The following BBS7 variants were observed in gnomAD, a reference collection of about 807,000 sequenced individuals.
BBS7 encodes the protein Bardet-Biedl syndrome 7, also known as BBSome complex member BBS7.
BBS7 carries 50 observed loss-of-function variants against 90.3 expected under a neutral mutation model. The ratio of observed to expected loss-of-function variants is 0.55; its 90% CI spans 0.44 to 0.70. The LOEUF (loss-of-function observed/expected upper bound fraction) is 0.70. BBS7 is among the 30% of genes least tolerant of loss of function. The pLI is 0.00. For missense variants in BBS7, 729 were observed against 838.9 expected, an observed-to-expected ratio of 0.87 and a Z score of 1.62; for synonymous variants, 235 against 287.4, an observed-to-expected ratio of 0.82 and a Z score of 1.85.
At position 121,825,816 on chromosome 4, in the gene BBS7, C is replaced by T. The variant is rs1205997818; in HGVS notation, c.*44G>A. 6.3e-7 allele frequency: 1 copy of T among 1,596,554 alleles called. No homozygotes were observed. Among genetic ancestry groups the T allele is most frequent in the South Asian group, 1.1e-5 (1 of 89,960 alleles). On this transcript the variant is annotated 3_prime_UTR_variant, in exon 19 of 19. Transcript: ENST00000264499. The stretch of plus-strand genomic sequence containing the variant: ...CTTCTAATTCTCTTTTAACATTTTT[C>T]ATTTAAACAGACCACTTCTTTGGGA...
chr4:121,843,850 C>T, intron 12 of BBS7, 77 bp downstream of exon 12: 1 of 922,932 alleles, frequency 1.1e-6, no homozygotes, highest in Non-Finnish European at 1.7e-6. Flanking sequence ...CAAAACCTAG[C>T]AGCATCTATA....
rs753027552 is a variant in BBS7, at chr4:121,868,046, C to T, written c.37G>A (p.Val13Met). 5 of 1,612,764 alleles carry T rather than the reference C, an allele frequency of 3.1e-6. No individual in the cohort carries two copies. Among genetic ancestry groups the T allele is most frequent in the African/African-American group, 2.7e-5 (2 of 74,828 alleles). Residue 13 changes from valine (V) to methionine (M), a missense_variant and splice_region_variant, in exon 2 of 19, where the codon GTG (valine) becomes ATG (methionine). Transcript: ENST00000264499. ...LILNRMDYLQ[V>M]GVTSQKTMKL... is the part of the protein sequence containing the mutation. ...ATAGTCTTCTGAGATGTTACTCCCA[C>T]CTAAAGAAAAACACCAGATGCCTAG...
At chr4:121,837,424 C>T (rs1205003796) in intron 13 of BBS7, among the ~76,000 whole-genome samples, 6 of 152,118 alleles carry the variant, frequency 3.9e-5, no homozygotes, top group Non-Finnish European at 8.8e-5. Flanking sequence ...CTTAATTCAT[C>T]TGAATTTATT....
chr4:121,824,843 T>G lies in BBS7; in HGVS notation c.*1017A>C, dbSNP rs1430549074. 6.6e-6 allele frequency: 1 copy of G among 152,110 alleles called. No homozygotes were observed. The highest frequency in any genetic ancestry group is 2.4e-5 in the African/African-American group (1 of 41,438). 9.4% of individuals were successfully genotyped at this position (152,110 alleles called of 1,614,324 possible). On this transcript the variant is annotated 3_prime_UTR_variant, in exon 19 of 19. Coordinates refer to ENST00000264499, the MANE Select transcript of BBS7 (RefSeq NM_176824.3). The surrounding 1 kb of genome is among the most constrained non-coding windows in gnomAD (Gnocchi z 4.1). Reference sequence around the variant, plus strand: ...AACTAATAAGTATAATAGCATATCATTAAGAAGCACTGTTTTCTAAAAAAT... The same window carrying G: ...AACTAATAAGTATAATAGCATATCAGTAAGAAGCACTGTTTTCTAAAAAAT...
intron 14 of BBS7, 112 bp downstream of exon 14, chr4:121,835,032 T>C: frequency 9.3e-7 from 1 of 1,077,714 alleles, no homozygotes. Flanking sequence ...AACTGTTTAT[T>C]TAATTTTTAA....
intron 12 of BBS7, among the ~76,000 whole-genome samples, chr4:121,840,886 A>G (rs1156768128): frequency 6.7e-6 from 1 of 149,240 alleles, no homozygotes; most frequent in Non-Finnish European, 1.5e-5. Context: ...TGCCCAGGCT[A>G]GAGTGCAGTG....
At chr4:121,847,652 A>G in intron 9 of BBS7, 146 bp from the exon 10 acceptor site, 1 of 631,258 alleles carries the variant, frequency 1.6e-6, no homozygotes. Context: ...TCATTCAAAA[A>G]CAAAACATAA....
intron 2 of BBS7, among the ~76,000 whole-genome samples, chr4:121,865,805 T>C (rs547114900): frequency 6.6e-6 from 1 of 152,348 alleles, no homozygotes; most frequent in Admixed American, 6.5e-5. Flanking sequence ...TTCACTATAG[T>C]GGATGTACTA....
intron 12 of BBS7, among the ~76,000 whole-genome samples, chr4:121,840,414 T>C (rs1306538205): frequency 1.3e-5 from 2 of 152,232 alleles, no homozygotes; most frequent in African/African-American, 2.4e-5. Context: ...ATGTTTATAC[T>C]GTAAAGGCAC....
At chr4:121,855,868 A>G (rs970419325) in intron 5 of BBS7, among the ~76,000 whole-genome samples, 4 of 144,324 alleles carry the variant, frequency 2.8e-5, no homozygotes, top group African/African-American at 1.1e-4. Flanking sequence ...ATGTGTATAT[A>G]TGTATATGTA....
chr4:121,843,969 A>T lies in BBS7; in HGVS notation c.1263T>A (p.Asp421Glu), dbSNP rs146412602. Residue 421 changes from aspartate (D) to glutamate (E), a missense_variant, in exon 12 of 19, where the codon GAT becomes GAA. Coordinates refer to ENST00000264499, the MANE Select transcript of BBS7 (RefSeq NM_176824.3). ...SDVPIDLLDV[D>E]KNSAVVSFSS... ...TAAAGCTAACAACAGCAGAATTTTTATCCACATCAAGTAAATCTATTGGAA... is the reference window on the plus strand; with the variant it reads ...TAAAGCTAACAACAGCAGAATTTTTTTCCACATCAAGTAAATCTATTGGAA... The T allele has an allele frequency of 3.9e-4, 629 of 1,602,722 alleles. No homozygotes were observed. Among genetic ancestry groups the T allele is most frequent in the Non-Finnish European group, 4.9e-4 (572 of 1,172,794 alleles).
At position 121,861,682 on chromosome 4, in the gene BBS7, GA is replaced by G. The variant is rs375070166; in HGVS notation, c.166-4del. 10 of 1,613,126 alleles carry G rather than the reference GA, an allele frequency of 6.2e-6. No individual in the cohort carries two copies. In the African/African-American group the frequency reaches 8.0e-5, roughly 13 times the overall value. ...CCGGGTAAAGTCTTGAACACTGCCT[GA>G]AAAAAATCATTCAGGAAAAAAGTAC... is the stretch of plus-strand genomic sequence containing the variant. On this transcript the variant is annotated splice_polypyrimidine_tract_variant and splice_region_variant and intron_variant, in intron 3 of 18. Coordinates refer to ENST00000264499, the MANE Select transcript of BBS7 (RefSeq NM_176824.3).
At chr4:121,854,954 G>T in intron 6 of BBS7, 134 bp from the exon 7 acceptor site, 1 of 831,074 alleles carries the variant, frequency 1.2e-6, no homozygotes. Flanking sequence ...GTTGAGAATG[G>T]TTATATATTC....
chr4:121,864,144 A>C (rs1560668644), intron 2 of BBS7, among the ~76,000 whole-genome samples: 1 of 152,192 alleles, frequency 6.6e-6, no homozygotes, highest in Non-Finnish European at 1.5e-5. Flanking sequence ...TTTCATCCCA[A>C]AACAATCCCA....
At chr4:121,863,665 A>C (rs914043004) in intron 2 of BBS7, among the ~76,000 whole-genome samples, 5 of 152,218 alleles carry the variant, frequency 3.3e-5, no homozygotes, top group Non-Finnish European at 7.4e-5. Flanking sequence ...ACTGGAGCAT[A>C]AGAACATTTT....
chr4:121,829,504 G>A (rs979914573), intron 15 of BBS7, among the ~76,000 whole-genome samples: 3 of 152,168 alleles, frequency 2.0e-5, no homozygotes, highest in African/African-American at 7.2e-5. Context: ...CCAAAGTGCT[G>A]GGATTACAGG....
chr4:121,862,225 A>C (rs965785918), intron 3 of BBS7, among the ~76,000 whole-genome samples: 1 of 151,984 alleles, frequency 6.6e-6, no homozygotes, highest in Admixed American at 6.5e-5. Context: ...TTTACTGAAA[A>C]TGTGAATGTA....
At chr4:121,869,370 A>C (rs1467028439) in intron 1 of BBS7, among the ~76,000 whole-genome samples, 1 of 152,206 alleles carries the variant, frequency 6.6e-6, no homozygotes, top group Non-Finnish European at 1.5e-5. Context: ...ACTTTGATTC[A>C]AATAGCCACT....
In BBS7 at chr4:121,870,411, G is replaced by GC; in HGVS notation, c.-99dup. 1.4e-6 allele frequency: 2 copies of GC among 1,458,106 alleles called. No homozygotes were observed. The highest frequency in any genetic ancestry group is 1.2e-5 in the South Asian group (1 of 86,274). The allele number at this position is 1,458,106 out of a possible 1,614,324, so 90.3% of individuals were successfully genotyped here. A position where few individuals can be genotyped will look rare whatever the true frequency, so the allele number is the denominator to read the frequency against. On this transcript the variant is annotated 5_prime_UTR_variant, in exon 1 of 19. Coordinates refer to ENST00000264499, the MANE Select transcript of BBS7 (RefSeq NM_176824.3). The stretch of plus-strand genomic sequence containing the variant: ...CCGACCCAGTCAGAAGGCTGCCCGC[G>GC]CCCCTCAAAAGCCAGCCCCAGCTAC...
Sources: allele counts gnomAD v4.1 joint callset (sites outside exome capture counted in the v4.1 genomes callset), GRCh38; gene constraint gnomAD v4.1.1; non-coding constraint Gnocchi (gnomAD v3.1); transcripts MANE v1.5; gene names NCBI Gene and HGNC (gene_info 2026-07-23, HGNC 2026-07-21).